The following LIMCH1 variants were observed in gnomAD, a reference collection of about 807,000 sequenced individuals.
LIMCH1 encodes the protein LIM and calponin homology domains-containing protein 1.
LIMCH1 carries 113 observed loss-of-function variants against 176.5 expected under a neutral mutation model. The observed-to-expected ratio is 0.64, with a 90% CI of 0.55 to 0.75. The LOEUF is 0.75. LIMCH1 is among the 30% of genes least tolerant of loss of function. The pLI is 0.00. For missense variants in LIMCH1, 1,674 were observed against 1,814.9 expected (o/e 0.92, Z 1.41); for synonymous variants, 619 against 645.9 (o/e 0.96, Z 0.63).
rs545470462 is a variant in LIMCH1, at chr4:41,499,541, C to T, written c.167+4935C>T. On this transcript the variant is annotated intron_variant, in intron 2 of 26. Coordinates refer to the LIMCH1 transcript ENST00000313860. ...ATTTTTTAAAAATCTAGGATCTGGC[C>T]GGGAGCGATGGCTCACGCCTATAAT... Among the ~76,000 whole-genome samples the T allele has an allele frequency of 3.9e-5, 6 of 152,258 alleles. No individual in the cohort carries two copies. In the South Asian group the frequency reaches 8.3e-4, roughly 21 times the overall value.
intron 1 of LIMCH1, among the ~76,000 whole-genome samples, chr4:41,486,841 G>T (rs2069643297): frequency 6.6e-6 from 1 of 151,804 alleles, no homozygotes; most frequent in African/African-American, 2.4e-5. Context: ...GAGTGCAGTG[G>T]TGTGATCTCG....
intron 1 of LIMCH1, among the ~76,000 whole-genome samples, chr4:41,477,011 G>T (rs916488301): frequency 1.3e-5 from 2 of 152,142 alleles, no homozygotes; most frequent in Non-Finnish European, 1.5e-5. Context: ...GGCAGTGGAA[G>T]TCTGATCTTT....
At chr4:41,482,105 C>T (rs751790301) in intron 1 of LIMCH1, among the ~76,000 whole-genome samples, 2 of 152,052 alleles carry the variant, frequency 1.3e-5, no homozygotes, top group Non-Finnish European at 2.9e-5. Flanking sequence ...CCTGCCTATG[C>T]GATCTGCCTG....
chr4:41,472,506 G>A (rs1422757051), intron 1 of LIMCH1, among the ~76,000 whole-genome samples: 3 of 151,804 alleles, frequency 2.0e-5, no homozygotes, highest in Non-Finnish European at 4.4e-5. Flanking sequence ...TGCAACCTTT[G>A]CCTCTTGGGC....
intron 2 of LIMCH1, among the ~76,000 whole-genome samples, chr4:41,504,486 C>T (rs1487119320): frequency 6.6e-6 from 1 of 152,252 alleles, no homozygotes; most frequent in Non-Finnish European, 1.5e-5. Context: ...AGATAATTCA[C>T]CTCCTCTGCC....
chr4:41,413,702 T>C (rs945661990), intron 1 of LIMCH1, among the ~76,000 whole-genome samples: 16 of 152,308 alleles, frequency 1.1e-4, no homozygotes, highest in African/African-American at 2.6e-4. Context: ...TAACATCTTA[T>C]GCCATTTGTT....
chr4:41,599,378 G>C (rs2089517946), intron 2 of LIMCH1, among the ~76,000 whole-genome samples: 1 of 152,168 alleles, frequency 6.6e-6, no homozygotes, highest in Admixed American at 6.5e-5. Context: ...ATTTGAGTAG[G>C]CTCTTGGAAG....
chr4:41,390,449 G>T (rs191849989), intron 1 of LIMCH1, among the ~76,000 whole-genome samples: 150 of 152,254 alleles, frequency 9.9e-4, no homozygotes, highest in Non-Finnish European at 1.7e-3. Context: ...TGCCATGCGT[G>T]GTGTGCAATG....
At chr4:41,412,982 GC>G (rs1391685879) in intron 1 of LIMCH1, among the ~76,000 whole-genome samples, 1 of 152,158 alleles carries the variant, frequency 6.6e-6, no homozygotes, top group African/African-American at 2.4e-5. Flanking sequence ...GATCCTCATA[GC>G]TAAAGGGAAA....
At chr4:41,460,975 G>C (rs1374657178) in intron 1 of LIMCH1, among the ~76,000 whole-genome samples, 2 of 152,172 alleles carry the variant, frequency 1.3e-5, no homozygotes, top group Non-Finnish European at 2.9e-5. Context: ...GACTGGCTCT[G>C]TTGCTCCTAA....
At chr4:41,649,527 A>C (rs1193529707) in intron 17 of LIMCH1, among the ~76,000 whole-genome samples, 7 of 152,242 alleles carry the variant, frequency 4.6e-5, no homozygotes. Flanking sequence ...CCATAACAGC[A>C]CTATGAGGAA....
intron 1 of LIMCH1, among the ~76,000 whole-genome samples, chr4:41,570,677 C>A (rs150428886): frequency 1.3e-5 from 2 of 152,046 alleles, no homozygotes; most frequent in African/African-American, 4.8e-5. Flanking sequence ...TAGCTCTGGG[C>A]GGACAAGAGG....
At chr4:41,663,850 T>G (rs2094718316) in intron 20 of LIMCH1, among the ~76,000 whole-genome samples, 1 of 47,768 alleles carries the variant, frequency 2.1e-5, no homozygotes, top group African/African-American at 1.3e-4. Context: ...AGTCTTCATC[T>G]CTAAAAAAAA....
At chr4:41,437,783 T>C (rs1384327765) in intron 1 of LIMCH1, among the ~76,000 whole-genome samples, 1 of 152,256 alleles carries the variant, frequency 6.6e-6, no homozygotes, top group African/African-American at 2.4e-5. Context: ...TCTTCTTTTT[T>C]GTTTTTTTTC....
At chr4:41,365,472 A>G (rs1252008083) in intron 1 of LIMCH1, among the ~76,000 whole-genome samples, 1 of 152,242 alleles carries the variant, frequency 6.6e-6, no homozygotes, top group Non-Finnish European at 1.5e-5. Flanking sequence ...TTTAATGGCC[A>G]GTAACATATG....
In LIMCH1 at chr4:41,650,592, T is replaced by C. The variant is rs906644326; in HGVS notation, c.3020T>C (p.Val1007Ala). The C allele has an allele frequency of 6.2e-6, 10 of 1,613,482 alleles. No individual in the cohort carries two copies. The Admixed American group carries it at 1.2e-4, about 19-fold the overall frequency. ...ATCAACATAAAGAAGCCAAACTCTG[T>C]TCCCCAAGAGCTCGCAGTAAGAACC... ...IEINIKKPNSVPQELAATTEK... is the reference protein window; with the variant it reads ...IEINIKKPNSAPQELAATTEK... The change falls in exon 18 of 32, where the codon GTT becomes GCT. Residue 1007 changes from valine to alanine, a missense_variant. By Grantham distance (64) the Val-to-Ala change is moderately conservative (BLOSUM62 0). Transcript: ENST00000503057.
At chr4:41,683,039 T>G (rs1717595373) in intron 26 of LIMCH1, among the ~76,000 whole-genome samples, 3 of 152,092 alleles carry the variant, frequency 2.0e-5, no homozygotes, top group Admixed American at 2.0e-4. Flanking sequence ...GTATCAGTCT[T>G]CAAAAGCTGA....
chr4:41,685,909 G>A, intron 28 of LIMCH1, 79 bp downstream of exon 28: 1 of 1,472,132 alleles, frequency 6.8e-7, no homozygotes, highest in Non-Finnish European at 9.2e-7. Flanking sequence ...AATGAAAAAT[G>A]TGAGATGGCA....
At chr4:41,690,266 C>T (rs1724451607) in intron 30 of LIMCH1, among the ~76,000 whole-genome samples, 1 of 152,286 alleles carries the variant, frequency 6.6e-6, no homozygotes, top group East Asian at 1.9e-4. Context: ...GGGACCATGT[C>T]TGTCTTGGTT....
Sources: allele counts gnomAD v4.1 joint callset (sites outside exome capture counted in the v4.1 genomes callset), GRCh38; gene constraint gnomAD v4.1.1; transcripts MANE v1.5; gene names NCBI Gene and HGNC (gene_info 2026-07-23, HGNC 2026-07-21).